The following PGAP1 variants were observed in gnomAD, a reference collection of about 807,000 sequenced individuals.
PGAP1 encodes post-GPI attachment to proteins inositol deacylase 1, also known as GPI inositol-deacylase.
PGAP1 carries 76 observed loss-of-function variants against 127.0 expected under a neutral mutation model. The ratio of observed to expected loss-of-function variants is 0.60; its 90% CI spans 0.50 to 0.72. The LOEUF (loss-of-function observed/expected upper bound fraction) is 0.72. Among genes scored for constraint, PGAP1 ranks in the 30% least tolerant of loss-of-function variants. The probability of loss-of-function intolerance (pLI) is 0.00; values close to 1 mark genes in which losing one functional copy is unlikely to be tolerated. For missense variants in PGAP1, 982 were observed against 1,071.3 expected, an observed-to-expected ratio of 0.92 and a Z score of 1.16; for synonymous variants, 362 against 366.5, an observed-to-expected ratio of 0.99 and a Z score of 0.14.
intron 10 of PGAP1, 92 bp from the exon 11 acceptor site, chr2:196,885,972 A>G (rs1216532224): frequency 5.1e-6 from 4 of 787,342 alleles, no homozygotes. Flanking sequence ...TTTTATTGTT[A>G]TATGATATAG....
intron 7 of PGAP1, among the ~76,000 whole-genome samples, chr2:196,896,786 G>GC (rs1559360815): frequency 7.4e-6 from 1 of 134,318 alleles, no homozygotes; most frequent in Non-Finnish European, 1.5e-5. Flanking sequence ...CCGAGATCAC[G>GC]CCACTGCACT....
At chr2:196,850,410 C>T (rs1700683587) in intron 20 of PGAP1, among the ~76,000 whole-genome samples, 1 of 152,134 alleles carries the variant, frequency 6.6e-6, no homozygotes, top group South Asian at 2.1e-4. Context: ...GAATGGAGAA[C>T]AAGATCAGGC....
chr2:196,898,411 G>A lies in PGAP1; in HGVS notation c.808-42C>T, dbSNP rs781402516. 19 of 1,363,146 alleles carry A rather than the reference G, an allele frequency of 1.4e-5. No individual in the cohort carries two copies. In the East Asian group the frequency reaches 4.4e-4, roughly 31 times the overall value. 84.4% of individuals were successfully genotyped at this position (1,363,146 alleles called of 1,614,324 possible). On this transcript the variant is annotated intron_variant, in intron 5 of 26. Transcript: ENST00000354764. ...AAATAAACTTACGAAAAGCACATTT[G>A]TTATTCTCTAAAAGGTATGAAATTC...
At chr2:196,841,557 GC>G (rs1173793182) in intron 26 of PGAP1, among the ~76,000 whole-genome samples, 185 bp from the exon 27 acceptor site, 1 of 152,034 alleles carries the variant, frequency 6.6e-6, no homozygotes, top group Non-Finnish European at 1.5e-5. Flanking sequence ...TCACTCTGTT[GC>G]CCAGGCTGGA....
At chr2:196,896,772 T>C (rs1576171249) in intron 7 of PGAP1, among the ~76,000 whole-genome samples, 1 of 136,274 alleles carries the variant, frequency 7.3e-6, no homozygotes, top group Admixed American at 8.4e-5. Context: ...GAGGCTGCAG[T>C]GAGCCGAGAT....
chr2:196,880,160 T>TAA lies in PGAP1; in HGVS notation c.1273-9_1273-8dup, dbSNP rs3835877. 322 of 1,356,520 alleles carry TAA rather than the reference T, an allele frequency of 2.4e-4. No homozygotes were observed. Among genetic ancestry groups the TAA allele is most frequent in the South Asian group, 6.0e-4 (42 of 69,918 alleles). 84.0% of individuals were successfully genotyped at this position (1,356,520 alleles called of 1,614,324 possible). A position where few individuals can be genotyped will look rare whatever the true frequency, so the allele number is the denominator to read the frequency against. On this transcript the variant is annotated splice_polypyrimidine_tract_variant and splice_region_variant and intron_variant, in intron 12 of 26. Transcript: ENST00000354764. ...GAAGTCTTAATGTCAGATACTAAAA[T>TAA]AAAAAAAAAAGAAACTACTTTTATT...
intron 10 of PGAP1, among the ~76,000 whole-genome samples, chr2:196,887,139 C>G (rs1701936400): frequency 6.6e-6 from 1 of 152,002 alleles, no homozygotes. Context: ...TGTGACCGCA[C>G]TGTGGGAGGC....
In PGAP1 at chr2:196,912,743, T is replaced by C. The variant is rs571974619; in HGVS notation, c.649+139A>G. ...AATATAAAGAGACAGACACTCAGAATTGGAGGTGCTGATTTGCAACTGAGT... is the reference window on the plus strand; with the variant it reads ...AATATAAAGAGACAGACACTCAGAACTGGAGGTGCTGATTTGCAACTGAGT... On this transcript the variant is annotated intron_variant, in intron 4 of 26. Coordinates refer to ENST00000354764, the MANE Select transcript of PGAP1 (RefSeq NM_024989.4). The C allele has an allele frequency of 1.5e-5, 9 of 611,036 alleles. No individual in the cohort carries two copies. The South Asian group carries it at 1.8e-4, about 12-fold the overall frequency. The allele number at this position is 611,036 out of a possible 1,614,324, so 37.9% of individuals were successfully genotyped here.
At chr2:196,856,969 G>C (rs1559336113) in intron 20 of PGAP1, among the ~76,000 whole-genome samples, 1 of 152,088 alleles carries the variant, frequency 6.6e-6, no homozygotes, top group Non-Finnish European at 1.5e-5. Flanking sequence ...TTGCCTCCCT[G>C]GTTAGCTATA....
At chr2:196,904,771 C>T (rs1368002314) in intron 4 of PGAP1, among the ~76,000 whole-genome samples, 1 of 151,980 alleles carries the variant, frequency 6.6e-6, no homozygotes, top group Non-Finnish European at 1.5e-5. Context: ...AGCTGGATCA[C>T]AGTGCAGAAG....
chr2:196,841,048 C>G lies in PGAP1; in HGVS notation c.*186G>C. 1 of 671,680 alleles carries G rather than the reference C, an allele frequency of 1.5e-6. No homozygotes were observed. The allele number at this position is 671,680 out of a possible 1,614,324, so 41.6% of individuals were successfully genotyped here. A position where few individuals can be genotyped will look rare whatever the true frequency, so the allele number is the denominator to read the frequency against. On this transcript the variant is annotated 3_prime_UTR_variant, in exon 27 of 27. Transcript: ENST00000354764. ...TGATTACTACATGGATTCCACACCA[C>G]AAAACAAAACCATGCTTCAACTACT...
At chr2:196,884,215 G>C (rs1031299805) in intron 12 of PGAP1, among the ~76,000 whole-genome samples, 1 of 151,770 alleles carries the variant, frequency 6.6e-6, no homozygotes, top group Admixed American at 6.6e-5. Context: ...ATTCATCCAC[G>C]TAATAAAAAA....
chr2:196,914,678 G>C (rs1372245515), intron 3 of PGAP1, among the ~76,000 whole-genome samples: 1 of 151,558 alleles, frequency 6.6e-6, no homozygotes, highest in Non-Finnish European at 1.5e-5. Flanking sequence ...TGTATACACA[G>C]TACTTGCTAT....
Position 196,842,738 on chromosome 2 carries a change from A to G in PGAP1, c.2613T>C (p.Thr871=), listed in dbSNP as rs770250997. ...PTMAILGNTY[T]VSIKSSKLLK... is the part of the protein sequence containing the mutation. ...TACTGTACCTTGATTTTATTGAAAC[A>G]GTGTAAGTATTTCCAAGAATTGCCA... Residue 871 remains threonine (T), a synonymous_variant, in exon 26 of 27, where the codon ACT becomes ACC. Transcript: ENST00000354764. 6.4e-7 allele frequency: 1 copy of G among 1,556,340 alleles called. No homozygotes were observed. The highest frequency in any genetic ancestry group is 8.8e-7 in the Non-Finnish European group (1 of 1,141,122).
At chr2:196,922,448 G>A in intron 1 of PGAP1, 1 of 978,068 alleles carries the variant, frequency 1.0e-6, no homozygotes, top group African/African-American at 1.8e-5. Context: ...CATAAGAATA[G>A]TTATAGGGGC....
In PGAP1 at chr2:196,926,563, G is replaced by A; in HGVS notation, c.54C>T (p.Val18=). ...LWNLAFYVFM[V]FLATLGLWDV... ...CCCACAGCCCCAGGGTTGCCAGAAA[G>A]ACCATGAAGACATAAAACGCCAGGT... Residue 18 remains valine, a synonymous_variant, in exon 1 of 27, where the codon GTC becomes GTT. Coordinates refer to ENST00000354764, the MANE Select transcript of PGAP1 (RefSeq NM_024989.4). The A allele has an allele frequency of 1.2e-6, 2 of 1,606,338 alleles. No individual in the cohort carries two copies.
intron 5 of PGAP1, among the ~76,000 whole-genome samples, chr2:196,901,757 C>T (rs1378707442): frequency 6.6e-6 from 1 of 152,162 alleles, no homozygotes; most frequent in Non-Finnish European, 1.5e-5. Flanking sequence ...ACTACTTATA[C>T]TATCAAAGCT....
At chr2:196,905,770 G>A (rs1352126727) in intron 4 of PGAP1, among the ~76,000 whole-genome samples, 7 of 145,110 alleles carry the variant, frequency 4.8e-5, no homozygotes, top group Admixed American at 6.9e-5. Context: ...GAAGCAGGGC[G>A]AGGCATTGCC....
Position 196,835,992 on chromosome 2 carries a change from A to T in PGAP1, c.*5242T>A, listed in dbSNP as rs1314447100. 2 of 152,086 alleles carry T rather than the reference A, an allele frequency of 1.3e-5. No individual in the cohort carries two copies. The highest frequency in any genetic ancestry group is 2.9e-5 in the Non-Finnish European group (2 of 67,900). 9.4% of individuals were successfully genotyped at this position (152,086 alleles called of 1,614,324 possible). A position where few individuals can be genotyped will look rare whatever the true frequency, so the allele number is the denominator to read the frequency against. The stretch of plus-strand genomic sequence containing the variant: ...AAATATTAAAAACAAAAATGACATT[A>T]AAAAATAGCATATGAACTTTACAAA... On this transcript the variant is annotated 3_prime_UTR_variant, in exon 27 of 27. Transcript: ENST00000354764.
Sources: allele counts gnomAD v4.1 joint callset (sites outside exome capture counted in the v4.1 genomes callset), GRCh38; gene constraint gnomAD v4.1.1; transcripts MANE v1.5; gene names NCBI Gene and HGNC (gene_info 2026-07-23, HGNC 2026-07-21).